CADM2: variants seen among roughly 807,000 people sequenced by gnomAD.
CADM2 encodes immunoglobulin superfamily member 4D.
Under a neutral mutation model 49.8 loss-of-function variants are expected in CADM2, and 12 were observed. The ratio of observed to expected loss-of-function variants is 0.24; its 90% CI spans 0.15 to 0.39. The LOEUF is 0.39. CADM2 is among the 10% of genes least tolerant of loss of function. CADM2 has a pLI of 1.00. For synonymous variants in CADM2, 214 were observed against 175.4 expected (o/e 1.22, Z -1.74); for missense variants, 378 against 492.3 (o/e 0.77, Z 2.20).
intron 1 of CADM2, among the ~76,000 whole-genome samples, chr3:85,270,174 A>G (rs2043208470): frequency 6.6e-6 from 1 of 151,386 alleles, no homozygotes; most frequent in South Asian, 2.1e-4. Context: ...AAAATATTTT[A>G]AAATGGAATC....
intron 2 of CADM2, among the ~76,000 whole-genome samples, chr3:85,761,675 A>G (rs367843575): frequency 3.9e-5 from 6 of 152,200 alleles, no homozygotes; most frequent in East Asian, 3.9e-4. Context: ...ACGCCTGGCC[A>G]CAAAACTTAT....
At chr3:85,434,914 G>T (rs1053829974) in intron 1 of CADM2, among the ~76,000 whole-genome samples, 3 of 152,090 alleles carry the variant, frequency 2.0e-5, no homozygotes, top group Non-Finnish European at 4.4e-5. Flanking sequence ...TAGAGGTGTT[G>T]TATAGTGGAT....
intron 5 of CADM2, among the ~76,000 whole-genome samples, chr3:85,904,297 G>A (rs976348596): frequency 1.3e-5 from 2 of 152,172 alleles, no homozygotes; most frequent in Admixed American, 6.6e-5. Flanking sequence ...GGGACTGGGT[G>A]AAAGAAGAGA....
intron 1 of CADM2, among the ~76,000 whole-genome samples, chr3:85,084,638 G>C (rs2107508339): frequency 1.3e-5 from 2 of 151,970 alleles, no homozygotes; most frequent in Middle Eastern, 6.9e-3. Context: ...TCATAAGCTG[G>C]GTTAAATAAA....
rs1230316572 is a variant in CADM2, at chr3:85,421,411, AAATT to A, written c.62-305105_62-305102del. ...TTTAAATTATGGTTGTCATCTCTTC[AAATT>A]AATTATTTAACGTGTAGAAATTAAT... On this transcript the variant is annotated intron_variant, in intron 1 of 9. Coordinates refer to ENST00000383699, the MANE Select transcript of CADM2 (RefSeq NM_001167675.2). Among the ~76,000 whole-genome samples the A allele has an allele frequency of 5.9e-5, 9 of 152,178 alleles. No individual in the cohort carries two copies. The South Asian group carries it at 1.9e-3, about 31-fold the overall frequency.
chr3:85,991,908 A>C (rs997377787), intron 8 of CADM2, among the ~76,000 whole-genome samples: 32 of 152,094 alleles, frequency 2.1e-4, no homozygotes, highest in African/African-American at 7.2e-4. Flanking sequence ...ATTTGACTTA[A>C]AACAATCATT....
At chr3:85,712,655 A>T (rs2067151444) in intron 1 of CADM2, among the ~76,000 whole-genome samples, 1 of 152,136 alleles carries the variant, frequency 6.6e-6, no homozygotes, top group South Asian at 2.1e-4. Flanking sequence ...TTCCCTTCAA[A>T]TATTAGACTA....
chr3:85,452,013 C>T (rs965322589), intron 1 of CADM2, among the ~76,000 whole-genome samples: 1 of 152,124 alleles, frequency 6.6e-6, no homozygotes, highest in Admixed American at 6.5e-5. Context: ...AATTAGAGAG[C>T]AATGCTTCCT....
chr3:85,794,807 A>G (rs974250089), intron 2 of CADM2, among the ~76,000 whole-genome samples: 18 of 152,216 alleles, frequency 1.2e-4, no homozygotes, highest in Non-Finnish European at 2.4e-4. Flanking sequence ...TAAAGTATCT[A>G]ATTACTTTGC....
intron 7 of CADM2, among the ~76,000 whole-genome samples, chr3:85,937,432 G>A (rs759917802): frequency 1.4e-4 from 22 of 151,820 alleles, no homozygotes; most frequent in Middle Eastern, 3.4e-3. Context: ...CCTATTTTAC[G>A]GAAGAGAAAC....
At chr3:85,902,201 C>CTTTACATAGATGTATACATACTTATAA (rs1716217615) in intron 5 of CADM2, among the ~76,000 whole-genome samples, 1 of 152,010 alleles carries the variant, frequency 6.6e-6, no homozygotes, top group African/African-American at 2.4e-5. Context: ...TAAGTGCTCT[C>CTTTACATAGATGTATACATACTTATAA]TTTACATAGA....
Position 86,035,113 on chromosome 3 carries a change from T to C in CADM2, c.971-30492T>C, listed in dbSNP as rs114121291. On this transcript the variant is annotated intron_variant, in intron 8 of 9. Transcript: ENST00000383699. ...AATCCAGACAATAAAATCTTTAGCA[T>C]GGCATACAAAATCATTTGCAACATG... Among the ~76,000 whole-genome samples the C allele has an allele frequency of 3.2e-3, 483 of 152,200 alleles. 3 individuals are homozygous for C. Among genetic ancestry groups the C allele is most frequent in the African/African-American group, 0.011 (473 of 41,576 alleles).
chr3:85,229,811 T>A (rs1188590733), intron 1 of CADM2, among the ~76,000 whole-genome samples: 2 of 152,208 alleles, frequency 1.3e-5, no homozygotes, highest in East Asian at 3.9e-4. Context: ...CCTGTCTTCA[T>A]AGCCTTTCTT....
chr3:85,604,992 T>C (rs969062832), intron 1 of CADM2, among the ~76,000 whole-genome samples: 3 of 152,048 alleles, frequency 2.0e-5, no homozygotes, highest in African/African-American at 7.2e-5. Context: ...GAACTAGTTA[T>C]TGACAAATAC....
rs941930594 is a variant in CADM2 at position 85,345,001 on chromosome 3, T to C, written c.62-381521T>C. Among the ~76,000 whole-genome samples the C allele has an allele frequency of 5.9e-5, 9 of 152,238 alleles. 1 individual carries two copies. The South Asian group carries it at 6.2e-4, about 11-fold the overall frequency. On this transcript the variant is annotated intron_variant, in intron 1 of 9. Coordinates refer to ENST00000383699, the MANE Select transcript of CADM2 (RefSeq NM_001167675.2). ...TATCTGATACATATGGTAGCTCATA[T>C]ATATCAAGCATGATGTAATTTGTCA...
intron 1 of CADM2, among the ~76,000 whole-genome samples, chr3:85,332,071 GA>G (rs1321238074): frequency 6.6e-6 from 1 of 151,970 alleles, no homozygotes; most frequent in Non-Finnish European, 1.5e-5. Context: ...GGGATCAATT[GA>G]AAATAAATAT....
Position 85,453,350 on chromosome 3 carries a change from G to A in CADM2, c.62-273172G>A, listed in dbSNP as rs150000999. Among the ~76,000 whole-genome samples, 680 of 151,704 alleles carry A rather than the reference G, an allele frequency of 4.5e-3. 4 individuals are homozygous for A. Among genetic ancestry groups the A allele is most frequent in the African/African-American group, 0.015 (621 of 41,388 alleles). ...GTTTCCATATATTAATATTATTTTT[G>A]TGTGTTTTTCCTCTGGTGTATTAAT... On this transcript the variant is annotated intron_variant, in intron 1 of 9. Transcript: ENST00000383699.
At chr3:86,026,275 A>C (rs1293939770) in intron 8 of CADM2, among the ~76,000 whole-genome samples, 2 of 151,968 alleles carry the variant, frequency 1.3e-5, no homozygotes, top group Non-Finnish European at 2.9e-5. Context: ...CTAGGGGAGA[A>C]CTCTGTTGTG....
At chr3:85,523,226 A>G (rs1178548461) in intron 1 of CADM2, among the ~76,000 whole-genome samples, 1 of 152,112 alleles carries the variant, frequency 6.6e-6, no homozygotes, top group African/African-American at 2.4e-5. Flanking sequence ...TGGTGAGTTA[A>G]TAAGTGGCAA....
Sources: gnomAD v4.1 joint callset for allele counts (sites outside exome capture counted in the v4.1 genomes callset) on GRCh38, gnomAD v4.1.1 for gene constraint, MANE v1.5 for transcripts, NCBI Gene and HGNC (gene_info 2026-07-23, HGNC 2026-07-21) for gene names.